Variants in WWOX observed in about 807,000 individuals in gnomAD.
WWOX encodes the protein WW domain containing oxidoreductase.
In WWOX, 69 loss-of-function variants were observed where a neutral mutation model predicts 46.2. That is an observed-to-expected ratio of 1.49 (90% CI 1.23 to 1.82). The LOEUF (loss-of-function observed/expected upper bound fraction) is 1.82, where lower values mean the gene tolerates loss of function less well. Among genes scored for constraint, WWOX ranks in the 40% most tolerant of loss-of-function variants. The pLI, the probability that WWOX is intolerant of heterozygous loss-of-function variation, is 0.00. For missense variants in WWOX, 919 were observed against 542.6 expected (o/e 1.69, Z -6.89); for synonymous variants, 359 against 202.6 (o/e 1.77, Z -6.56).
At chr16:78,244,140 C>T (rs971499252) in intron 5 of WWOX, among the ~76,000 whole-genome samples, 3 of 152,112 alleles carry the variant, frequency 2.0e-5, no homozygotes, top group African/African-American at 7.2e-5. Context: ...TGGGTAGGTC[C>T]CTTGATACCT....
At chr16:78,104,330 C>A (rs1023676911) in intron 1 of WWOX, among the ~76,000 whole-genome samples, 2 of 135,882 alleles carry the variant, frequency 1.5e-5, no homozygotes, top group African/African-American at 5.2e-5. Context: ...GCTCAAAAAA[C>A]ACACGCACGC....
chr16:78,453,555 T>C (rs56183433), intron 8 of WWOX, among the ~76,000 whole-genome samples: 18,229 of 152,162 alleles, frequency 0.12, 1,711 homozygotes, highest in African/African-American at 0.25. Flanking sequence ...CAAGTTATAT[T>C]GTGCAGACAG....
intron 8 of WWOX, among the ~76,000 whole-genome samples, chr16:78,538,218 CAAAAAAA>C (rs67413792): frequency 2.5e-4 from 15 of 60,034 alleles, no homozygotes; most frequent in African/African-American, 2.9e-4. Flanking sequence ...TCACTCACAC[CAAAAAAA>C]AAAAAAAAAA....
intron 8 of WWOX, among the ~76,000 whole-genome samples, chr16:78,581,063 G>T (rs965758510): frequency 5.9e-5 from 9 of 151,928 alleles, no homozygotes; most frequent in Middle Eastern, 6.3e-3. Context: ...TAGAGTGGTT[G>T]ATTTTTTTTT....
At chr16:78,933,059 G>T (rs1334642216) in intron 8 of WWOX, among the ~76,000 whole-genome samples, 7 of 152,170 alleles carry the variant, frequency 4.6e-5, no homozygotes, top group Admixed American at 4.6e-4. Context: ...GGCTGGACTG[G>T]GGGAGCAAGG....
At chr16:78,325,527 G>A (rs1236349554) in intron 5 of WWOX, among the ~76,000 whole-genome samples, 2 of 152,302 alleles carry the variant, frequency 1.3e-5, no homozygotes, top group African/African-American at 2.4e-5. Context: ...CCACCGTGAT[G>A]GAGAGGTGCG....
chr16:78,730,201 G>A (rs1329792848), intron 8 of WWOX, among the ~76,000 whole-genome samples: 1 of 151,998 alleles, frequency 6.6e-6, no homozygotes, highest in Admixed American at 6.6e-5. Flanking sequence ...GGTTACATAT[G>A]GTCAAGTTGC....
At chr16:78,581,011 T>C (rs1045768860) in intron 8 of WWOX, among the ~76,000 whole-genome samples, 1 of 152,210 alleles carries the variant, frequency 6.6e-6, no homozygotes, top group East Asian at 1.9e-4. Context: ...TGTGAACTTA[T>C]TAAATGACTT....
chr16:78,362,253 G>A (rs958307117), intron 5 of WWOX, among the ~76,000 whole-genome samples: 4 of 152,060 alleles, frequency 2.6e-5, no homozygotes, highest in African/African-American at 9.7e-5. Context: ...TGTCCGTCTT[G>A]CTTGTAGGAA....
At chr16:79,043,665 T>C (rs1390704412) in intron 8 of WWOX, among the ~76,000 whole-genome samples, 1 of 152,182 alleles carries the variant, frequency 6.6e-6, no homozygotes, top group Non-Finnish European at 1.5e-5. Flanking sequence ...ATGATTTTTG[T>C]CATGTAAATA....
At chr16:78,413,383 G>A (rs111307096) in intron 6 of WWOX, among the ~76,000 whole-genome samples, 2 of 152,276 alleles carry the variant, frequency 1.3e-5, no homozygotes, top group East Asian at 3.9e-4. Context: ...TCAGCAAAGG[G>A]TGATGGGATT....
intron 8 of WWOX, among the ~76,000 whole-genome samples, chr16:79,152,546 C>G (rs552942024): frequency 3.0e-4 from 45 of 152,160 alleles, no homozygotes; most frequent in African/African-American, 1.1e-3. Context: ...TGGCGTGTTC[C>G]TGTAGTCTCA....
intron 8 of WWOX, among the ~76,000 whole-genome samples, chr16:78,676,364 CT>C (rs749245177): frequency 5.3e-5 from 8 of 151,564 alleles, no homozygotes; most frequent in Admixed American, 6.6e-5. Flanking sequence ...TCACTTAGGC[CT>C]TGGTAGCATG....
At chr16:79,107,549 G>C (rs1025736057) in intron 8 of WWOX, among the ~76,000 whole-genome samples, 1 of 152,154 alleles carries the variant, frequency 6.6e-6, no homozygotes, top group Non-Finnish European at 1.5e-5. Context: ...TTATCTTTTG[G>C]ATAGCCCAAA....
chr16:78,509,960 C>G (rs1010434052), intron 8 of WWOX, among the ~76,000 whole-genome samples: 12 of 150,856 alleles, frequency 8.0e-5, no homozygotes, highest in African/African-American at 2.9e-4. Flanking sequence ...AATTAGCTGG[C>G]ATGGTGGCAC....
At chr16:78,992,740 C>T (rs185610934) in intron 8 of WWOX, among the ~76,000 whole-genome samples, 59 of 152,186 alleles carry the variant, frequency 3.9e-4, no homozygotes, top group African/African-American at 1.3e-3. Context: ...GAGGAAATCG[C>T]CTGCCAGGGT....
At chr16:78,503,533 A>G (rs1414694494) in intron 8 of WWOX, 2 of 152,010 alleles carry the variant, frequency 1.3e-5, no homozygotes, top group African/African-American at 4.8e-5. Context: ...GCGATTCTTT[A>G]TTTTCTCTCT....
At chr16:78,360,779 G>T (rs962939658) in intron 5 of WWOX, among the ~76,000 whole-genome samples, 2 of 151,840 alleles carry the variant, frequency 1.3e-5, no homozygotes, top group African/African-American at 4.8e-5. Flanking sequence ...ATCTAGTCCA[G>T]GATGCCACAT....
At chr16:79,197,434 G>C (rs1023327446) in intron 8 of WWOX, among the ~76,000 whole-genome samples, 7 of 152,130 alleles carry the variant, frequency 4.6e-5, no homozygotes, top group Admixed American at 2.0e-4. Context: ...ATGGGAATTG[G>C]CAGACACTGT....
Sources: allele counts gnomAD v4.1 joint callset (sites outside exome capture counted in the v4.1 genomes callset), GRCh38; gene constraint gnomAD v4.1.1; transcripts MANE v1.5; gene names NCBI Gene and HGNC (gene_info 2026-07-23, HGNC 2026-07-21).